Variants in RSAD2 observed in about 807,000 individuals in gnomAD.
RSAD2 encodes the protein S-adenosylmethionine-dependent nucleotide dehydratase RSAD2.
Under a neutral mutation model 37.7 loss-of-function variants are expected in RSAD2, and 38 were observed. That is an observed-to-expected ratio of 1.01 (90% CI 0.78 to 1.32). The LOEUF (loss-of-function observed/expected upper bound fraction) is 1.32. Ranked by LOEUF, RSAD2 falls within the 40% of genes most tolerant of loss-of-function variation. The pLI, the probability that RSAD2 is intolerant of heterozygous loss-of-function variation, is 0.00. For synonymous variants in RSAD2, 163 were observed against 157.4 expected, an observed-to-expected ratio of 1.04 and a Z score of -0.27; for missense variants, 428 against 437.5, an observed-to-expected ratio of 0.98 and a Z score of 0.19.
chr2:6,882,531 G>A (rs1223084355), intron 1 of RSAD2, among the ~76,000 whole-genome samples: 3 of 152,192 alleles, frequency 2.0e-5, no homozygotes, highest in Non-Finnish European at 4.4e-5. Context: ...AAACTCCAAT[G>A]TTCCAGTAAT....
rs534638797 is a variant in RSAD2 at position 6,871,095 on chromosome 2, A to G, written c.142+5050A>G. The stretch of plus-strand genomic sequence containing the variant: ...CAATGGGAAGCCTTTTTCAGTTGGT[A>G]CTTTGAAAGTCCTCAATGGAATCAA... On this transcript the variant is annotated intron_variant, in intron 1 of 5. Transcript: ENST00000442639. 4.6e-5 allele frequency among the ~76,000 whole-genome samples: 7 copies of G among 152,328 alleles called. No homozygotes were observed. The South Asian group carries it at 1.4e-3, about 32-fold the overall frequency.
chr2:6,895,710 T>C lies in RSAD2; in HGVS notation c.922-68T>C, dbSNP rs143930986. On this transcript the variant is annotated intron_variant, in intron 5 of 5. Coordinates refer to ENST00000382040, the MANE Select transcript of RSAD2 (RefSeq NM_080657.5). ...AATATCAAAAGCTATTTGGGATTAA[T>C]AGTCTAGATTGAGTTTTACAGGATT... 8.8e-5 allele frequency: 120 copies of C among 1,362,854 alleles called. 1 individual carries two copies. In the African/African-American group the frequency reaches 1.6e-3, roughly 18 times the overall value. 84.4% of individuals were successfully genotyped at this position (1,362,854 alleles called of 1,614,324 possible).
chr2:6,893,572 A>T (rs1220598633), intron 4 of RSAD2, 99 bp from the exon 5 acceptor site: 2 of 948,788 alleles, frequency 2.1e-6, no homozygotes, highest in African/African-American at 3.3e-5. Context: ...GAAATGCTGG[A>T]TCCAAAACAA....
At chr2:6,868,823 G>T (rs1663153337) in intron 1 of RSAD2, among the ~76,000 whole-genome samples, 1 of 152,306 alleles carries the variant, frequency 6.6e-6, no homozygotes, top group South Asian at 2.1e-4. Context: ...CTCCACAGGA[G>T]CCTCAAACCA....
At chr2:6,866,163 A>T (rs1663084383) in intron 1 of RSAD2, 2 of 195,608 alleles carry the variant, frequency 1.0e-5, no homozygotes, top group Non-Finnish European at 2.2e-5. Flanking sequence ...AGGGACAGAG[A>T]AGTCCCTTCC....
upstream of RSAD2, chr2:6,876,654 A>G (rs927636492): frequency 6.6e-6 from 1 of 152,262 alleles, no homozygotes; most frequent in African/African-American, 2.4e-5. Context: ...CAGATGTTAA[A>G]TGTTAAGTTA....
chr2:6,873,306 C>T (rs188591809), upstream of RSAD2, among the ~76,000 whole-genome samples: 4 of 152,284 alleles, frequency 2.6e-5, no homozygotes, highest in East Asian at 1.9e-4. Flanking sequence ...CCATGTTCAA[C>T]GTACTAGTTT....
chr2:6,875,139 T>C (rs1246221187), upstream of RSAD2, among the ~76,000 whole-genome samples: 1 of 152,198 alleles, frequency 6.6e-6, no homozygotes, highest in Non-Finnish European at 1.5e-5. Flanking sequence ...GAAAAAGTCA[T>C]GTTCTTAAGA....
rs1663316862 is a variant in RSAD2 at position 6,877,919 on chromosome 2, G to C, written c.119G>C (p.Trp40Ser). ...PLFCWLRATF[W>S]LLATKRRKQQ... ...TTCTGCTGGCTGAGGGCAACCTTCTGGCTGCTAGCTACCAAGAGGAGAAAG... is the reference window on the plus strand; with the variant it reads ...TTCTGCTGGCTGAGGGCAACCTTCTCGCTGCTAGCTACCAAGAGGAGAAAG... The change falls in exon 1 of 6, where the codon TGG (tryptophan) becomes TCG (serine). Residue 40 changes from tryptophan to serine, a missense_variant. Coordinates refer to ENST00000382040, the MANE Select transcript of RSAD2 (RefSeq NM_080657.5). 2.5e-6 allele frequency: 4 copies of C among 1,614,108 alleles called. No homozygotes were observed. The highest frequency in any genetic ancestry group is 3.4e-6 in the Non-Finnish European group (4 of 1,180,018).
At chr2:6,873,951 C>T (rs1474117754), upstream of RSAD2, among the ~76,000 whole-genome samples, 1 of 152,018 alleles carries the variant, frequency 6.6e-6, no homozygotes, top group Admixed American at 6.6e-5. Flanking sequence ...ATTTGTGTCC[C>T]CAACCAAATC....
At chr2:6,872,372 T>C (rs1390978324) in intron 1 of RSAD2, among the ~76,000 whole-genome samples, 1 of 152,210 alleles carries the variant, frequency 6.6e-6, no homozygotes, top group Non-Finnish European at 1.5e-5. Context: ...AGAAAGCTTG[T>C]GTCTGTTGAA....
intron 4 of RSAD2, among the ~76,000 whole-genome samples, chr2:6,891,127 A>C (rs985464595): frequency 6.6e-6 from 1 of 152,268 alleles, no homozygotes; most frequent in South Asian, 2.1e-4. Flanking sequence ...AAAGTTATTT[A>C]AATCAATAAG....
intron 1 of RSAD2, 121 bp from the exon 2 acceptor site, chr2:6,883,250 G>C (rs1663449260): frequency 9.2e-7 from 1 of 1,081,692 alleles, no homozygotes; most frequent in Admixed American, 2.3e-5. Context: ...TAGGGTTAGG[G>C]GAGGGGAAAT....
At chr2:6,876,892 G>T (rs1663291554), upstream of RSAD2, 1 of 152,162 alleles carries the variant, frequency 6.6e-6, no homozygotes, top group African/African-American at 2.4e-5. Flanking sequence ...CGCTTACTCA[G>T]TCACCCAGCT....
chr2:6,872,358 T>C (rs1040963416), intron 1 of RSAD2, among the ~76,000 whole-genome samples: 1 of 152,198 alleles, frequency 6.6e-6, no homozygotes, highest in African/African-American at 2.4e-5. Context: ...AAAGATGTTC[T>C]GTTAGAAAGC....
Position 6,877,816 on chromosome 2 carries a change from C to A in RSAD2, c.16C>A (p.Pro6Thr), listed in dbSNP as rs1278921584. 1 of 1,613,842 alleles carries A rather than the reference C, an allele frequency of 6.2e-7. No homozygotes were observed. Residue 6 changes from proline (P) to threonine (T), a missense_variant, in exon 1 of 6, where the codon CCT (proline) becomes ACT (threonine). By Grantham distance (38) the Pro-to-Thr change is conservative. Transcript: ENST00000382040. ...ATCTGCCACAATGTGGGTGCTTACA[C>A]CTGCTGCTTTTGCTGGGAAGCTCTT... Reference protein sequence around the residue: MWVLTPAAFAGKLLSV... With the variant: MWVLTTAAFAGKLLSV...
chr2:6,887,277 C>G, intron 3 of RSAD2, 113 bp downstream of exon 3: 1 of 735,084 alleles, frequency 1.4e-6, no homozygotes, highest in African/African-American at 1.8e-5. Flanking sequence ...ACCTCGCAAG[C>G]CAGTCCAGAA....
At chr2:6,865,970 C>T (rs1572147826) in exon 1 of RSAD2, 26 of 1,053,752 alleles carry the variant, frequency 2.5e-5, no homozygotes, top group Non-Finnish European at 3.3e-5. Context: ...GTGCGCGGCT[C>T]CGCGGGCCTG....
chr2:6,874,292 A>T (rs1317461661), upstream of RSAD2, among the ~76,000 whole-genome samples: 1 of 152,184 alleles, frequency 6.6e-6, no homozygotes, highest in Non-Finnish European at 1.5e-5. Context: ...AGCCAATTCA[A>T]CCTATTTTCC....
Sources: allele counts gnomAD v4.1 joint callset (sites outside exome capture counted in the v4.1 genomes callset), GRCh38; gene constraint gnomAD v4.1.1; transcripts MANE v1.5; gene names NCBI Gene and HGNC (gene_info 2026-07-23, HGNC 2026-07-21).